Variants in MCC observed in about 807,000 individuals in gnomAD.
The protein encoded by MCC is MCC regulator of Wnt signaling pathway.
MCC carries 90 observed loss-of-function variants against 116.2 expected under a neutral mutation model. The ratio of observed to expected loss-of-function variants is 0.77; its 90% CI spans 0.65 to 0.92. The LOEUF (loss-of-function observed/expected upper bound fraction) is 0.92, where lower values mean the gene tolerates loss of function less well. Among genes scored for constraint, MCC ranks in the 40% least tolerant of loss-of-function variants. MCC has a pLI of 0.00. For synonymous variants in MCC, 578 were observed against 510.5 expected (o/e 1.13, Z -1.78); for missense variants, 1,516 against 1,312.2 (o/e 1.16, Z -2.40).
chr5:113,435,368 C>G (rs537423392), intron 1 of MCC, among the ~76,000 whole-genome samples: 2 of 150,012 alleles, frequency 1.3e-5, no homozygotes, highest in East Asian at 2.0e-4. Flanking sequence ...TAGCAGACCC[C>G]TGGCCTGCAT....
At position 113,122,875 on chromosome 5, in the gene MCC, C is replaced by A. The variant is rs1395538507; in HGVS notation, c.885-49G>T. ...ACCACTAACAGAGGATATAAGACAA[C>A]CCCCTAGAGAATATGTCTTTTAAGG... On this transcript the variant is annotated intron_variant, in intron 5 of 18. Coordinates refer to ENST00000408903, the MANE Select transcript of MCC (RefSeq NM_001085377.2). 1.9e-6 allele frequency: 3 copies of A among 1,579,144 alleles called. No individual in the cohort carries two copies. In the East Asian group the frequency reaches 6.7e-5, roughly 35 times the overall value.
intron 3 of MCC, among the ~76,000 whole-genome samples, chr5:113,216,600 A>C (rs192121560): frequency 4.6e-5 from 7 of 152,384 alleles, no homozygotes; most frequent in Non-Finnish European, 1.0e-4. Context: ...ATGAGTGTTT[A>C]CAAGGTATTT....
chr5:113,396,916 A>G (rs1769542854), intron 1 of MCC, among the ~76,000 whole-genome samples: 1 of 152,252 alleles, frequency 6.6e-6, no homozygotes, highest in Admixed American at 6.5e-5. Context: ...ACAAAAGAAG[A>G]AGGCAACCTG....
chr5:113,390,781 A>G (rs1404262253), intron 1 of MCC, among the ~76,000 whole-genome samples: 1 of 152,218 alleles, frequency 6.6e-6, no homozygotes, highest in African/African-American at 2.4e-5. Context: ...CAATTTAAGT[A>G]GTAGGTTGCA....
chr5:113,456,558 G>A (rs1021519542), intron 1 of MCC, among the ~76,000 whole-genome samples: 33 of 146,192 alleles, frequency 2.3e-4, no homozygotes, highest in Non-Finnish European at 2.1e-4. Context: ...CCAGGTTCAC[G>A]CCATTCTCCT....
At chr5:113,467,206 A>G (rs1488275588) in intron 1 of MCC, among the ~76,000 whole-genome samples, 2 of 151,700 alleles carry the variant, frequency 1.3e-5, no homozygotes, top group Admixed American at 6.6e-5. Context: ...CCATTTGTCA[A>G]TTTTGGTTTT....
intron 3 of MCC, among the ~76,000 whole-genome samples, chr5:113,155,064 A>G (rs555365208): frequency 6.6e-6 from 1 of 152,222 alleles, no homozygotes; most frequent in African/African-American, 2.4e-5. Context: ...CACCTCTGGT[A>G]TCTATCATTC....
chr5:113,196,190 C>T (rs1047423603), intron 3 of MCC, among the ~76,000 whole-genome samples: 1 of 152,214 alleles, frequency 6.6e-6, no homozygotes, highest in African/African-American at 2.4e-5. Flanking sequence ...TATCTTCATT[C>T]CCATCTCCCT....
At chr5:113,244,533 C>T (rs1213817653) in intron 3 of MCC, among the ~76,000 whole-genome samples, 1 of 152,164 alleles carries the variant, frequency 6.6e-6, no homozygotes, top group Non-Finnish European at 1.5e-5. Context: ...AAAATAACAG[C>T]TTTAAATAAC....
At chr5:113,375,050 C>T (rs10040616) in intron 2 of MCC, among the ~76,000 whole-genome samples, 40,248 of 150,884 alleles carry the variant, frequency 0.27, 7,329 homozygotes, top group African/African-American at 0.52. Context: ...TAGTACTTCC[C>T]ACACCCAACC....
rs1261444576 is a variant in MCC at position 113,024,503 on chromosome 5, C to CATTTCTTCAA, written c.*2789_*2798dup. The CATTTCTTCAA allele has an allele frequency of 6.6e-6, 1 of 152,168 alleles. No homozygotes were observed. The highest frequency in any genetic ancestry group is 1.9e-4 in the East Asian group (1 of 5,200). The allele number at this position is 152,168 out of a possible 1,614,324, so 9.4% of individuals were successfully genotyped here. On this transcript the variant is annotated 3_prime_UTR_variant, in exon 19 of 19. Coordinates refer to ENST00000408903, the MANE Select transcript of MCC (RefSeq NM_001085377.2). Reference sequence around the variant, plus strand: ...GAAATGGGTCCTTTGGCTCTGTGCCCATTTCTTCAAAAGCCAAAGACTGAA... The same window carrying CATTTCTTCAA: ...GAAATGGGTCCTTTGGCTCTGTGCCCATTTCTTCAAATTTCTTCAAAAGCCAAAGACTGAA...
At chr5:113,199,377 A>AT (rs1365116217) in intron 3 of MCC, among the ~76,000 whole-genome samples, 1 of 152,154 alleles carries the variant, frequency 6.6e-6, no homozygotes, top group Non-Finnish European at 1.5e-5. Flanking sequence ...AGTAAGCTAA[A>AT]TTGCCAAATC....
At chr5:113,270,197 GCATTTTCAACTTAACCTT>G (rs1390070404) in intron 3 of MCC, among the ~76,000 whole-genome samples, 13 of 152,278 alleles carry the variant, frequency 8.5e-5, no homozygotes, top group African/African-American at 3.1e-4. Flanking sequence ...TCCTTCTTTA[GCATTTTCAACTTAACCTT>G]TCTTAGGTGG....
chr5:113,117,470 T>C (rs1757460821), intron 6 of MCC, among the ~76,000 whole-genome samples: 1 of 152,252 alleles, frequency 6.6e-6, no homozygotes, highest in African/African-American at 2.4e-5. Flanking sequence ...CCTAAGGGTA[T>C]AAACCTCAAC....
intron 1 of MCC, among the ~76,000 whole-genome samples, chr5:113,395,964 A>T (rs1348064490): frequency 2.0e-5 from 3 of 152,206 alleles, no homozygotes; most frequent in Admixed American, 6.5e-5. Context: ...AGTAGTTCAG[A>T]GAACTTCTGT....
chr5:113,434,771 A>G lies in MCC; in HGVS notation c.171-49559T>C, dbSNP rs1003976747. ...CAGAGTAAGCAGATTTTACTTTTGC[A>G]TAGGAGCCCTCTCCTAAATTTATCC... On this transcript the variant is annotated intron_variant, in intron 1 of 18. Transcript: ENST00000408903. The surrounding 1 kb of genome is among the most constrained non-coding windows in gnomAD (Gnocchi z 4.2). The G allele has an allele frequency of 1.2e-6, 2 of 1,613,978 alleles. No individual in the cohort carries two copies. The highest frequency in any genetic ancestry group is 1.7e-6 in the Non-Finnish European group (2 of 1,179,870).
At chr5:113,116,722 G>C (rs1757418161) in intron 6 of MCC, among the ~76,000 whole-genome samples, 1 of 152,104 alleles carries the variant, frequency 6.6e-6, no homozygotes, top group African/African-American at 2.4e-5. Context: ...TCTCAACCCT[G>C]GTTACTCTAA....
rs200635943 is a variant in MCC, at chr5:113,033,192, CTAAG to C, written c.2757-4140_2757-4137del. Among the ~76,000 whole-genome samples, 44 of 152,282 alleles carry C rather than the reference CTAAG, an allele frequency of 2.9e-4. 1 individual carries two copies. In the East Asian group the frequency reaches 8.5e-3, roughly 29 times the overall value. On this transcript the variant is annotated intron_variant, in intron 17 of 18. Coordinates refer to ENST00000408903, the MANE Select transcript of MCC (RefSeq NM_001085377.2). ...ACCAGATATTTTCCCTGGCTTCTGA[CTAAG>C]TAGGTTTCGGTTGAGACCCAGGAAT...
chr5:113,473,871 G>A (rs1011809572), intron 1 of MCC, among the ~76,000 whole-genome samples: 4 of 152,086 alleles, frequency 2.6e-5, no homozygotes, highest in African/African-American at 9.7e-5. Flanking sequence ...CTAAAATCCT[G>A]AGCTGGTACC....
Sources: allele counts gnomAD v4.1 joint callset (sites outside exome capture counted in the v4.1 genomes callset), GRCh38; gene constraint gnomAD v4.1.1; non-coding constraint Gnocchi (gnomAD v3.1); transcripts MANE v1.5; gene names NCBI Gene and HGNC (gene_info 2026-07-23, HGNC 2026-07-21).